Variants in ERN1 observed in about 807,000 individuals in gnomAD.
The protein encoded by ERN1 is serine/threonine-protein kinase/endoribonuclease IRE1.
Under a neutral mutation model 113.1 loss-of-function variants are expected in ERN1, and 39 were observed. The ratio of observed to expected loss-of-function variants is 0.34; its 90% CI spans 0.27 to 0.45. The LOEUF is 0.45. Ranked by LOEUF, ERN1 falls within the 20% of genes least tolerant of loss-of-function variation. The pLI is 1.00. For synonymous variants in ERN1, 507 were observed against 515.9 expected (o/e 0.98, Z 0.23); for missense variants, 976 against 1,274.8 (o/e 0.77, Z 3.57).
At chr17:64,052,556 A>G (rs1159610545) in intron 17 of ERN1, among the ~76,000 whole-genome samples, 2 of 151,646 alleles carry the variant, frequency 1.3e-5, no homozygotes, top group East Asian at 1.9e-4. Context: ...AAAACAAGTG[A>G]TTGGAAGAAT....
chr17:64,044,056 G>C lies in ERN1; in HGVS notation c.2866C>G (p.Leu956Val). The change falls in exon 22 of 22, where the codon CTC becomes GTC. Residue 956 changes from leucine to valine, a missense_variant. By Grantham distance (32) the Leu-to-Val change is conservative. Coordinates refer to ENST00000433197, the MANE Select transcript of ERN1 (RefSeq NM_001433.5). This position sits in a 1 kb window ranked among gnomAD's most constrained non-coding sequence, Gnocchi z 4.1. ...TCGTGGAAGTAGTAGGGCTGGAAGA[G>C]TCTCTCGTGGCTGCACAGCTCCATG... ...RAMELCSHER[L>V]FQPYYFHEPP... The C allele has an allele frequency of 6.2e-7, 1 of 1,613,780 alleles. No homozygotes were observed. The highest frequency in any genetic ancestry group is 2.2e-5 in the East Asian group (1 of 44,876).
At chr17:64,072,655 C>T (rs915685116) in intron 5 of ERN1, among the ~76,000 whole-genome samples, 1 of 152,266 alleles carries the variant, frequency 6.6e-6, no homozygotes, top group Non-Finnish European at 1.5e-5. Flanking sequence ...TTGTCTCGGC[C>T]TCTGTTCCCA....
At chr17:64,075,718 G>T (rs1005039745) in intron 4 of ERN1, among the ~76,000 whole-genome samples, 6 of 152,152 alleles carry the variant, frequency 3.9e-5, no homozygotes, top group Admixed American at 3.9e-4. Flanking sequence ...GCTTCCCAGG[G>T]GTGACACAAA....
At position 64,055,897 on chromosome 17, in the gene ERN1, C is replaced by T. The variant is rs1181437867; in HGVS notation, c.1450G>A (p.Glu484Lys). Residue 484 changes from glutamate (E) to lysine (K), a missense_variant, in exon 13 of 22, where the codon GAG becomes AAG. Coordinates refer to ENST00000433197, the MANE Select transcript of ERN1 (RefSeq NM_001433.5). ...LQHQQFQKEL[E>K]KIQLLQQQQQ... The stretch of plus-strand genomic sequence containing the variant: ...TGCTGCTGCAGGAGCTGGATCTTCT[C>T]CAGTTCCTTCTGGAACTGCTGGTGC... 4 of 1,550,128 alleles carry T rather than the reference C, an allele frequency of 2.6e-6. No homozygotes were observed. The highest frequency in any genetic ancestry group is 1.2e-5 in the South Asian group (1 of 84,006).
rs561257098 is a variant in ERN1, at chr17:64,039,289, A to G, written c.*4699T>C. 9.2e-5 allele frequency: 14 copies of G among 152,312 alleles called. No homozygotes were observed. The highest frequency in any genetic ancestry group is 3.1e-4 in the African/African-American group (13 of 41,574). The allele number at this position is 152,312 out of a possible 1,614,324, so 9.4% of individuals were successfully genotyped here. A position where few individuals can be genotyped will look rare whatever the true frequency, so the allele number is the denominator to read the frequency against. ...TCTTCAAGCTTTAAAAATGCACATA[A>G]AAGTTGTACAATCTGGCAGTTTATA... On this transcript the variant is annotated 3_prime_UTR_variant, in exon 22 of 22. Transcript: ENST00000433197.
chr17:64,055,609 C>A, intron 13 of ERN1, 66 bp downstream of exon 13: 2 of 1,425,290 alleles, frequency 1.4e-6, no homozygotes, highest in Non-Finnish European at 1.9e-6. Flanking sequence ...TATGGAGACT[C>A]CTTGGACTTC....
At chr17:64,091,294 T>G (rs1188486818) in intron 2 of ERN1, among the ~76,000 whole-genome samples, 1 of 152,128 alleles carries the variant, frequency 6.6e-6, no homozygotes, top group Non-Finnish European at 1.5e-5. Flanking sequence ...AACCGGAAAC[T>G]GTCATGACTA....
chr17:64,122,577 G>A (rs1914981758), intron 1 of ERN1, among the ~76,000 whole-genome samples: 1 of 152,086 alleles, frequency 6.6e-6, no homozygotes, highest in Non-Finnish European at 1.5e-5. Context: ...TCCCCTAAAT[G>A]GTAAAAATCC....
In ERN1 at chr17:64,066,691, T is replaced by C. The variant is rs1430509508; in HGVS notation, c.822A>G (p.Thr274=). 1 of 1,613,970 alleles carries C rather than the reference T, an allele frequency of 6.2e-7. No homozygotes were observed. The highest frequency in any genetic ancestry group is 1.7e-5 in the Admixed American group (1 of 60,008). The change falls in exon 8 of 22, where the codon ACA becomes ACG. Residue 274 remains threonine (T), a synonymous_variant. Coordinates refer to ENST00000433197, the MANE Select transcript of ERN1 (RefSeq NM_001433.5). The part of the protein sequence containing the change: ...TKWKYPFPKE[T]EAKSKLTPTL... ...CTCACGTCAGCTTGCTCTTGGCCTC[T>C]GTCTCCTTGGGGAACGGGTACTTCC... is the stretch of plus-strand genomic sequence containing the variant.
rs1159009078 is a variant in ERN1 at position 64,049,373 on chromosome 17, A to G, written c.2254-171T>C. On this transcript the variant is annotated intron_variant, in intron 17 of 21. Coordinates refer to ENST00000433197, the MANE Select transcript of ERN1 (RefSeq NM_001433.5). This position sits in a 1 kb window ranked among gnomAD's most constrained non-coding sequence, Gnocchi z 4.7. The stretch of plus-strand genomic sequence containing the variant: ...AGCGAGGGCTAACCTGCAGCACTGC[A>G]TGGGTGTCAGAGGTCCCAGTGGAGA... Among the ~76,000 whole-genome samples the G allele has an allele frequency of 6.6e-6, 1 of 152,224 alleles. No individual in the cohort carries two copies. The highest frequency in any genetic ancestry group is 6.5e-5 in the Admixed American group (1 of 15,290).
intron 2 of ERN1, among the ~76,000 whole-genome samples, chr17:64,083,960 A>G (rs943013451): frequency 1.3e-5 from 2 of 151,652 alleles, no homozygotes; most frequent in Non-Finnish European, 2.9e-5. Flanking sequence ...TTTTGTCCCC[A>G]CTCCCTCCTC....
At chr17:64,085,950 C>T (rs1019003274) in intron 2 of ERN1, among the ~76,000 whole-genome samples, 1 of 152,210 alleles carries the variant, frequency 6.6e-6, no homozygotes, top group African/African-American at 2.4e-5. Flanking sequence ...ACTGAGTGAG[C>T]TTGCTGAAAC....
At chr17:64,123,052 C>A (rs1373482631) in intron 1 of ERN1, among the ~76,000 whole-genome samples, 1 of 151,778 alleles carries the variant, frequency 6.6e-6, no homozygotes, top group Non-Finnish European at 1.5e-5. Context: ...GGTAGATAAT[C>A]CCAGCAAAAG....
chr17:64,060,260 C>G (rs1913009271), intron 11 of ERN1, among the ~76,000 whole-genome samples: 1 of 152,200 alleles, frequency 6.6e-6, no homozygotes, highest in African/African-American at 2.4e-5. Context: ...TAGCTTGGTC[C>G]TGCTGCCTTT....
intron 2 of ERN1, among the ~76,000 whole-genome samples, chr17:64,082,811 A>G (rs966239537): frequency 1.1e-4 from 16 of 151,960 alleles, no homozygotes; most frequent in African/African-American, 3.6e-4. Flanking sequence ...AGACAGGGGA[A>G]GATTCCCGGG....
Position 64,065,291 on chromosome 17 carries a change from G to A in ERN1, c.843-4C>T. Reference sequence around the variant, plus strand: ...TTTCCCAACATACAGAGTGGGCCTAGGAGAAAAACAGATACATGCATTCCA... The same window carrying A: ...TTTCCCAACATACAGAGTGGGCCTAAGAGAAAAACAGATACATGCATTCCA... On this transcript the variant is annotated splice_polypyrimidine_tract_variant and splice_region_variant and intron_variant, in intron 8 of 21. Transcript: ENST00000433197. The A allele has an allele frequency of 1.3e-6, 2 of 1,592,740 alleles. No homozygotes were observed. The highest frequency in any genetic ancestry group is 1.7e-6 in the Non-Finnish European group (2 of 1,168,072).
intron 1 of ERN1, among the ~76,000 whole-genome samples, chr17:64,126,197 A>G (rs1031700388): frequency 2.0e-5 from 3 of 152,212 alleles, no homozygotes; most frequent in African/African-American, 7.2e-5. Flanking sequence ...CTAGGTTACA[A>G]GCCCAGTTAT....
intron 5 of ERN1, among the ~76,000 whole-genome samples, chr17:64,072,541 C>A (rs193094996): frequency 1.8e-4 from 27 of 152,358 alleles, no homozygotes; most frequent in African/African-American, 6.3e-4. Context: ...AATAACCAGC[C>A]ACCATGTGAG....
chr17:64,080,785 G>A lies in ERN1; in HGVS notation c.199C>T (p.His67Tyr). 1.9e-6 allele frequency: 3 copies of A among 1,610,786 alleles called. No homozygotes were observed. Among genetic ancestry groups the A allele is most frequent in the Middle Eastern group, 1.7e-4 (1 of 6,060 alleles). ...AATCAGAAAACTTACTCTTCCACAT[G>A]TGTTGGGACCTGCAGGACTGGATCT... ...KEDPVLQVPT[H>Y]VEEPAFLPDP... The change falls in exon 3 of 22, where the codon CAT becomes TAT. Residue 67 changes from histidine to tyrosine, a missense_variant. By Grantham distance (83) the His-to-Tyr change is moderately conservative. This residue lies in a region of ERN1 where 459 missense variants were observed against 581.2 expected (regional missense o/e 0.79). Transcript: ENST00000433197.
Sources: gnomAD v4.1 joint callset for allele counts (sites outside exome capture counted in the v4.1 genomes callset) on GRCh38, gnomAD v4.1.1 for gene constraint, gnomAD v4.1.1 regional missense constraint, Gnocchi (gnomAD v3.1) non-coding constraint, MANE v1.5 for transcripts, NCBI Gene and HGNC (gene_info 2026-07-23, HGNC 2026-07-21) for gene names.